GSK3B: variants seen among roughly 807,000 people sequenced by gnomAD.
The protein encoded by GSK3B is glycogen synthase kinase-3 beta.
A neutral mutation model predicts 56.4 loss-of-function variants in GSK3B; 15 were observed. The ratio of observed to expected loss-of-function variants is 0.27; its 90% CI spans 0.18 to 0.41. The LOEUF is 0.41. GSK3B is among the 10% of genes least tolerant of loss of function. The pLI is 1.00. For missense variants in GSK3B, 300 were observed against 513.4 expected, an observed-to-expected ratio of 0.58 and a Z score of 4.02; for synonymous variants, 181 against 188.9, an observed-to-expected ratio of 0.96 and a Z score of 0.34.
chr3:119,967,463 T>C (rs2057327877), intron 2 of GSK3B, among the ~76,000 whole-genome samples: 1 of 152,156 alleles, frequency 6.6e-6, no homozygotes, highest in African/African-American at 2.4e-5. Flanking sequence ...GTCAAAATAA[T>C]CTTGTAAAGA....
At chr3:119,834,818 G>A (rs1487559471) in intron 10 of GSK3B, among the ~76,000 whole-genome samples, 4 of 152,144 alleles carry the variant, frequency 2.6e-5, no homozygotes, top group Admixed American at 1.3e-4. Flanking sequence ...GGGAAAAACC[G>A]AGATAAAATT....
intron 9 of GSK3B, among the ~76,000 whole-genome samples, chr3:119,855,178 T>TCCA (rs2108024149): frequency 6.6e-6 from 1 of 152,160 alleles, no homozygotes; most frequent in East Asian, 1.9e-4. Context: ...TTGTTATGTA[T>TCCA]CCAGTAGTCA....
At chr3:120,051,346 G>C (rs1039877547) in intron 1 of GSK3B, among the ~76,000 whole-genome samples, 2 of 152,174 alleles carry the variant, frequency 1.3e-5, no homozygotes. Flanking sequence ...GTACTATGTA[G>C]GGAAGCTGTA....
intron 9 of GSK3B, among the ~76,000 whole-genome samples, chr3:119,853,900 T>G (rs2055977408): frequency 6.6e-6 from 1 of 152,038 alleles, no homozygotes; most frequent in Non-Finnish European, 1.5e-5. Flanking sequence ...TTCCTAATTC[T>G]TTTCCTTTAT....
intron 1 of GSK3B, among the ~76,000 whole-genome samples, chr3:120,071,642 T>A (rs2058327646): frequency 6.6e-6 from 1 of 152,224 alleles, no homozygotes; most frequent in Admixed American, 6.5e-5. Context: ...CAGATGGGAC[T>A]GTCTAGTCAC....
At chr3:119,890,481 G>A (rs1281938872) in intron 7 of GSK3B, among the ~76,000 whole-genome samples, 1 of 152,056 alleles carries the variant, frequency 6.6e-6, no homozygotes, top group African/African-American at 2.4e-5. Context: ...ATGGGAAACT[G>A]ACCACAAAGG....
intron 4 of GSK3B, among the ~76,000 whole-genome samples, chr3:119,918,554 C>G (rs1032750514): frequency 6.6e-6 from 1 of 151,990 alleles, no homozygotes; most frequent in African/African-American, 2.4e-5. Flanking sequence ...TTCTTAGAAA[C>G]TCAAATATAA....
At position 120,078,697 on chromosome 3, in the gene GSK3B, C is replaced by T. The variant is rs1034762155; in HGVS notation, c.88+14650G>A. On this transcript the variant is annotated intron_variant, in intron 1 of 10. Coordinates refer to ENST00000264235, the MANE Select transcript of GSK3B (RefSeq NM_001146156.2). ...CCTCCCGTGTAGCTGGGATTACAAG[C>T]GTGCACCACCATGCCCAGCTAATTT... is the stretch of plus-strand genomic sequence containing the variant. Among the ~76,000 whole-genome samples the T allele has an allele frequency of 5.5e-4, 83 of 151,544 alleles. 1 individual carries two copies. Among genetic ancestry groups the T allele is most frequent in the Admixed American group, 3.6e-3 (54 of 15,210 alleles).
At chr3:119,939,816 T>C (rs981302934) in intron 3 of GSK3B, among the ~76,000 whole-genome samples, 2 of 152,162 alleles carry the variant, frequency 1.3e-5, no homozygotes, top group African/African-American at 4.8e-5. Flanking sequence ...ACATGCTAAA[T>C]GTTGACGGCT....
chr3:119,884,687 T>TA (rs146524028), intron 7 of GSK3B, among the ~76,000 whole-genome samples: 36,786 of 151,926 alleles, frequency 0.24, 4,896 homozygotes, highest in East Asian at 0.49. Flanking sequence ...TTTCTTAAAC[T>TA]ACAGTGATTA....
chr3:120,034,208 G>C lies in GSK3B; in HGVS notation c.89-31969C>G, dbSNP rs147097482. On this transcript the variant is annotated intron_variant, in intron 1 of 10. Transcript: ENST00000264235. ...CTTGATGGTGTTTTGAAGCACAAAT[G>C]GTTTTATTTTTGATAATGTTCAAGG... 7.4e-4 allele frequency among the ~76,000 whole-genome samples: 113 copies of C among 152,112 alleles called. 1 individual carries two copies. The highest frequency in any genetic ancestry group is 7.5e-4 in the Non-Finnish European group (51 of 67,976).
At chr3:120,017,469 A>G (rs1406334620) in intron 1 of GSK3B, among the ~76,000 whole-genome samples, 2 of 152,164 alleles carry the variant, frequency 1.3e-5, no homozygotes, top group African/African-American at 2.4e-5. Context: ...CTGACAACCC[A>G]AATGCCCCCA....
At chr3:120,056,141 A>AT (rs1248399300) in intron 1 of GSK3B, among the ~76,000 whole-genome samples, 18 of 152,212 alleles carry the variant, frequency 1.2e-4, no homozygotes, top group African/African-American at 3.6e-4. Context: ...AAAATGAAAA[A>AT]TTTCTTGGTA....
intron 1 of GSK3B, among the ~76,000 whole-genome samples, chr3:120,019,513 C>G (rs931339329): frequency 5.3e-5 from 8 of 152,196 alleles, no homozygotes; most frequent in Non-Finnish European, 1.2e-4. Flanking sequence ...CTTTTTCAAA[C>G]ACACATCCTA....
At chr3:119,866,768 A>G in intron 8 of GSK3B, 1 of 601,968 alleles carries the variant, frequency 1.7e-6, no homozygotes, top group Non-Finnish European at 2.9e-6. Context: ...ATACAGTTAT[A>G]AACTTTAAAC....
Position 119,823,215 on chromosome 3 carries a change from CA to C in GSK3B, c.*3572del. On this transcript the variant is annotated 3_prime_UTR_variant, in exon 11 of 11. Coordinates refer to ENST00000264235, the MANE Select transcript of GSK3B (RefSeq NM_001146156.2). ...GAGGCAAAACATTCTATTTTTCTTT[CA>C]AAAAAGGCCTTCGTGTTGGGCACAC... 4.4e-6 allele frequency: 1 copy of C among 226,330 alleles called. No homozygotes were observed. The allele number at this position is 226,330 out of a possible 1,614,324, so 14.0% of individuals were successfully genotyped here. A position where few individuals can be genotyped will look rare whatever the true frequency, so the allele number is the denominator to read the frequency against.
intron 7 of GSK3B, among the ~76,000 whole-genome samples, chr3:119,878,003 C>A (rs2056333250): frequency 6.6e-6 from 1 of 152,090 alleles, no homozygotes; most frequent in Non-Finnish European, 1.5e-5. Context: ...ATGGTAAGTA[C>A]TAGATTTGTG....
In GSK3B at chr3:120,069,178, A is replaced by G. The variant is rs112174660; in HGVS notation, c.88+24169T>C. ...ACAGGGACGAAGAGTATTTTACTTT[A>G]TGAGAAAAGGTTTCCCATGAAAATC... On this transcript the variant is annotated intron_variant, in intron 1 of 10. Transcript: ENST00000264235. Among the ~76,000 whole-genome samples the G allele has an allele frequency of 1.9e-3, 295 of 152,310 alleles. 1 individual carries two copies. Among genetic ancestry groups the G allele is most frequent in the African/African-American group, 6.6e-3 (273 of 41,568 alleles).
chr3:119,959,981 A>G (rs2057255790), intron 2 of GSK3B, among the ~76,000 whole-genome samples: 1 of 152,036 alleles, frequency 6.6e-6, no homozygotes, highest in African/African-American at 2.4e-5. Flanking sequence ...TAAAACCGGC[A>G]TATGAATGTT....
Sources: gnomAD v4.1 joint callset for allele counts (sites outside exome capture counted in the v4.1 genomes callset) on GRCh38, gnomAD v4.1.1 for gene constraint, MANE v1.5 for transcripts, NCBI Gene and HGNC (gene_info 2026-07-23, HGNC 2026-07-21) for gene names.